Variants in NRG3 observed in about 807,000 individuals in gnomAD.
NRG3 encodes the protein pro-neuregulin-3, membrane-bound isoform.
In NRG3, 31 loss-of-function variants were observed where a neutral mutation model predicts 66.9. The ratio of observed to expected loss-of-function variants is 0.46; its 90% confidence interval spans 0.35 to 0.63. The LOEUF (loss-of-function observed/expected upper bound fraction) is 0.63, where lower values mean the gene tolerates loss of function less well. NRG3 is among the 20% of genes least tolerant of loss of function. NRG3 has a pLI of 0.00. For missense variants in NRG3, 910 were observed against 878.9 expected (o/e 1.04, Z -0.45); for synonymous variants, 393 against 359.4 (o/e 1.09, Z -1.06).
chr10:82,296,783 T>C lies in NRG3; in HGVS notation c.824-61956T>C, dbSNP rs2080088787. On this transcript the variant is annotated intron_variant, in intron 1 of 8. Transcript: ENST00000372141. ...CCTTCTATATGAGTGTATGTATTTT[T>C]TTTTTTTAGATTTGGGGGATATATA... is the stretch of plus-strand genomic sequence containing the variant. Among the ~76,000 whole-genome samples the C allele has an allele frequency of 2.0e-5, 3 of 152,308 alleles. No homozygotes were observed. In the South Asian group the frequency reaches 6.2e-4, roughly 32 times the overall value.
chr10:82,237,549 A>G lies in NRG3; in HGVS notation c.824-121190A>G, dbSNP rs150243870. Among the ~76,000 whole-genome samples, 807 of 151,594 alleles carry G rather than the reference A, an allele frequency of 5.3e-3. 9 individuals carry two copies. Among genetic ancestry groups the G allele is most frequent in the African/African-American group, 0.019 (776 of 41,264 alleles). ...ACTTCATTCATTCATTCATTCATTC[A>G]TATATGCTCAGACCCAGTGCATTTT... On this transcript the variant is annotated intron_variant, in intron 1 of 8. Transcript: ENST00000372141.
At chr10:82,391,164 G>C (rs927690534) in intron 2 of NRG3, among the ~76,000 whole-genome samples, 5 of 152,144 alleles carry the variant, frequency 3.3e-5, no homozygotes, top group Admixed American at 2.6e-4. Flanking sequence ...AGCTAATTCA[G>C]TGATTCAACA....
At chr10:82,126,758 G>A (rs1290151842) in intron 1 of NRG3, among the ~76,000 whole-genome samples, 1 of 152,060 alleles carries the variant, frequency 6.6e-6, no homozygotes, top group Non-Finnish European at 1.5e-5. Flanking sequence ...ATTTAATGGA[G>A]TAGTACAGAT....
At chr10:82,163,562 A>G (rs1649953) in intron 1 of NRG3, among the ~76,000 whole-genome samples, 133,931 of 152,192 alleles carry the variant, frequency 0.88, 59,113 homozygotes, top group African/African-American at 0.94. Flanking sequence ...TTAATTCAGG[A>G]AGCTATAAAT....
At chr10:82,225,967 G>T (rs568592961) in intron 1 of NRG3, among the ~76,000 whole-genome samples, 4 of 151,948 alleles carry the variant, frequency 2.6e-5, no homozygotes, top group Non-Finnish European at 5.9e-5. Context: ...TAATTTTCTT[G>T]TCGAGACTTG....
intron 1 of NRG3, among the ~76,000 whole-genome samples, chr10:82,053,410 C>G (rs1564774042): frequency 6.6e-6 from 1 of 152,078 alleles, no homozygotes. Context: ...ACTGTGATCT[C>G]CACAGCCAGC....
chr10:82,502,302 G>A (rs1325665067), intron 2 of NRG3, among the ~76,000 whole-genome samples: 1 of 152,062 alleles, frequency 6.6e-6, no homozygotes, highest in Non-Finnish European at 1.5e-5. Flanking sequence ...ACCTGTTCAG[G>A]TCAGCAGTAT....
At chr10:82,176,008 C>T (rs1236892183) in intron 1 of NRG3, among the ~76,000 whole-genome samples, 3 of 152,188 alleles carry the variant, frequency 2.0e-5, no homozygotes, top group African/African-American at 7.2e-5. Flanking sequence ...CCATCATACT[C>T]TTTCCGTCAG....
intron 2 of NRG3, among the ~76,000 whole-genome samples, chr10:82,386,533 ACTCTT>A (rs1347561025): frequency 6.6e-5 from 10 of 152,138 alleles, no homozygotes; most frequent in Admixed American, 2.6e-4. Flanking sequence ...AACATTTTCA[ACTCTT>A]CTCTTCTTAT....
chr10:82,004,336 C>T (rs1256946288), intron 1 of NRG3, among the ~76,000 whole-genome samples: 1 of 152,058 alleles, frequency 6.6e-6, no homozygotes, highest in Non-Finnish European at 1.5e-5. Context: ...GGAATGTTTG[C>T]ATGCTGATAG....
intron 4 of NRG3, among the ~76,000 whole-genome samples, chr10:82,879,573 C>T (rs1357003512): frequency 6.6e-6 from 1 of 150,746 alleles, no homozygotes; most frequent in Non-Finnish European, 1.5e-5. Flanking sequence ...CCCGGCTTCA[C>T]GCCATTCTCC....
At chr10:82,431,232 G>A (rs1044512017) in intron 2 of NRG3, among the ~76,000 whole-genome samples, 1 of 152,114 alleles carries the variant, frequency 6.6e-6, no homozygotes, top group East Asian at 1.9e-4. Flanking sequence ...GCTTTTCCAT[G>A]AGGAAAAGCC....
chr10:82,958,440 T>C (rs773753390), intron 5 of NRG3, among the ~76,000 whole-genome samples: 1 of 152,220 alleles, frequency 6.6e-6, no homozygotes, highest in Non-Finnish European at 1.5e-5. Context: ...TCTGGGCTCT[T>C]GGTAACAATA....
chr10:82,636,050 A>G (rs1042781826), intron 2 of NRG3, among the ~76,000 whole-genome samples: 1 of 152,204 alleles, frequency 6.6e-6, no homozygotes, highest in African/African-American at 2.4e-5. Context: ...TATATGTAGT[A>G]ATATTAATCC....
At chr10:82,014,203 T>G (rs933886529) in intron 1 of NRG3, among the ~76,000 whole-genome samples, 1 of 152,192 alleles carries the variant, frequency 6.6e-6, no homozygotes. Context: ...ATATGTAGAC[T>G]GGGCAGTTCC....
chr10:81,941,413 TG>T (rs1432402347), intron 1 of NRG3, among the ~76,000 whole-genome samples: 5 of 152,162 alleles, frequency 3.3e-5, no homozygotes, highest in African/African-American at 1.2e-4. Context: ...GAGAGGAAGA[TG>T]GATGATTCTA....
chr10:81,915,727 C>T (rs1039033200), intron 1 of NRG3, among the ~76,000 whole-genome samples: 1 of 152,062 alleles, frequency 6.6e-6, no homozygotes, highest in Non-Finnish European at 1.5e-5. Flanking sequence ...TCTGTGAGAT[C>T]CCTGAGAGCC....
chr10:82,692,876 T>C (rs1211375842), intron 2 of NRG3, among the ~76,000 whole-genome samples: 1 of 152,082 alleles, frequency 6.6e-6, no homozygotes, highest in Non-Finnish European at 1.5e-5. Flanking sequence ...TATATGGTAA[T>C]TTTTGAGACT....
chr10:82,977,380 G>T (rs1275519282), intron 7 of NRG3, among the ~76,000 whole-genome samples: 1 of 152,150 alleles, frequency 6.6e-6, no homozygotes, highest in African/African-American at 2.4e-5. Flanking sequence ...AGGCCTAGGT[G>T]GGTGGATCAC....
Sources: gnomAD v4.1 joint callset for allele counts (sites outside exome capture counted in the v4.1 genomes callset) on GRCh38, gnomAD v4.1.1 for gene constraint, MANE v1.5 for transcripts, NCBI Gene and HGNC (gene_info 2026-07-23, HGNC 2026-07-21) for gene names.